AP3B1: variants seen among roughly 807,000 people sequenced by gnomAD.
AP3B1 encodes adaptor related protein complex 3 subunit beta 1, also known as AP-3 complex subunit beta-1.
A neutral mutation model predicts 132.5 loss-of-function variants in AP3B1; 61 were observed. The observed-to-expected ratio is 0.46, with a 90% confidence interval of 0.37 to 0.57. AP3B1 has a LOEUF of 0.57. Among genes scored for constraint, AP3B1 ranks in the 20% least tolerant of loss-of-function variants. The pLI is 0.00. For missense variants in AP3B1, 1,120 were observed against 1,289.4 expected (o/e 0.87, Z 2.01); for synonymous variants, 388 against 438.3 (o/e 0.89, Z 1.43).
intron 7 of AP3B1, among the ~76,000 whole-genome samples, chr5:78,210,374 G>C (rs183378639): frequency 3.9e-5 from 6 of 152,064 alleles, no homozygotes; most frequent in Admixed American, 3.3e-4. Flanking sequence ...TATAAATTTT[G>C]GATTTTGATA....
At chr5:78,066,633 G>A (rs1325305512) in intron 22 of AP3B1, among the ~76,000 whole-genome samples, 1 of 152,034 alleles carries the variant, frequency 6.6e-6, no homozygotes, top group African/African-American at 2.4e-5. Flanking sequence ...GAATGAAAAG[G>A]AACAAACAAA....
downstream of AP3B1, chr5:78,000,881 CT>C (rs1272487744): frequency 6.6e-6 from 1 of 152,082 alleles, no homozygotes; most frequent in Non-Finnish European, 1.5e-5. Context: ...TAACTTGGGG[CT>C]TTGGTCGTTT....
chr5:78,088,379 G>A lies in AP3B1; in HGVS notation c.2577+1014C>T, dbSNP rs998791070. On this transcript the variant is annotated intron_variant, in intron 22 of 26. Transcript: ENST00000255194. ...TTCTATGCTTAAGGAGAACATTGTA[G>A]CTTAAAACTTTTCACCTGTACTTTC... Among the ~76,000 whole-genome samples the A allele has an allele frequency of 2.6e-5, 4 of 152,256 alleles. No homozygotes were observed. The South Asian group carries it at 6.2e-4, about 24-fold the overall frequency.
At chr5:78,139,455 A>C (rs1056421340) in intron 15 of AP3B1, among the ~76,000 whole-genome samples, 1 of 152,214 alleles carries the variant, frequency 6.6e-6, no homozygotes, top group Non-Finnish European at 1.5e-5. Flanking sequence ...CAATGTATGA[A>C]GAAATCTACA....
chr5:78,219,873 T>C (rs190294461), intron 6 of AP3B1, among the ~76,000 whole-genome samples: 6 of 152,302 alleles, frequency 3.9e-5, no homozygotes, highest in Admixed American at 1.3e-4. Flanking sequence ...CTTTCAAATG[T>C]ATATGTATCA....
intron 2 of AP3B1, among the ~76,000 whole-genome samples, chr5:78,250,360 A>T (rs906234922): frequency 2.0e-5 from 3 of 152,222 alleles, no homozygotes; most frequent in African/African-American, 7.2e-5. Context: ...GTACCAATTA[A>T]AGACAGAGGG....
intron 22 of AP3B1, among the ~76,000 whole-genome samples, chr5:78,053,294 T>C (rs1449465480): frequency 6.6e-6 from 1 of 152,214 alleles, no homozygotes; most frequent in Non-Finnish European, 1.5e-5. Flanking sequence ...CAAGTCTTCA[T>C]TAACACTGAA....
chr5:78,231,082 T>A (rs1746630403), intron 3 of AP3B1, among the ~76,000 whole-genome samples: 1 of 151,610 alleles, frequency 6.6e-6, no homozygotes, highest in South Asian at 2.1e-4. Flanking sequence ...ATCGCACCAC[T>A]GCACCCCAGC....
At chr5:78,089,538 G>A (rs201227837) in intron 21 of AP3B1, 39 bp from the exon 22 acceptor site, 190 of 1,286,952 alleles carry the variant, frequency 1.5e-4, no homozygotes, top group East Asian at 1.3e-3. Context: ...GTGCATGAAC[G>A]TTTAATTCAA....
intron 22 of AP3B1, among the ~76,000 whole-genome samples, chr5:78,080,332 T>C (rs190811838): frequency 6.6e-6 from 1 of 152,334 alleles, no homozygotes; most frequent in Admixed American, 6.5e-5. Context: ...ACTATTGTTT[T>C]TGAGATTTGT....
chr5:78,249,782 A>C (rs190986219), intron 2 of AP3B1, among the ~76,000 whole-genome samples: 4 of 151,990 alleles, frequency 2.6e-5, no homozygotes, highest in Admixed American at 2.6e-4. Flanking sequence ...ACAGGGTCTC[A>C]CTTTGTTGCC....
intron 23 of AP3B1, among the ~76,000 whole-genome samples, chr5:78,038,466 A>G (rs1031684824): frequency 6.6e-6 from 1 of 152,194 alleles, no homozygotes; most frequent in Non-Finnish European, 1.5e-5. Context: ...AGAAAAAATA[A>G]TCGCAAAAAA....
At chr5:78,261,305 G>C (rs145300377) in intron 2 of AP3B1, among the ~76,000 whole-genome samples, 1 of 152,232 alleles carries the variant, frequency 6.6e-6, no homozygotes, top group East Asian at 1.9e-4. Context: ...CATCCTAATG[G>C]TGTAAAGTGA....
intron 13 of AP3B1, among the ~76,000 whole-genome samples, chr5:78,161,831 A>G (rs1446506943): frequency 6.6e-6 from 1 of 151,978 alleles, no homozygotes; most frequent in Non-Finnish European, 1.5e-5. Flanking sequence ...TTTTTTCATC[A>G]GAAATACTCT....
At chr5:78,113,560 A>T (rs1751685596) in intron 19 of AP3B1, among the ~76,000 whole-genome samples, 192 bp downstream of exon 19, 1 of 152,220 alleles carries the variant, frequency 6.6e-6, no homozygotes, top group Non-Finnish European at 1.5e-5. Context: ...TTCAAGTTCA[A>T]AATGAAAGCT....
At chr5:78,018,702 C>CACA (rs1554057856) in intron 25 of AP3B1, among the ~76,000 whole-genome samples, 37 of 140,572 alleles carry the variant, frequency 2.6e-4, no homozygotes, top group African/African-American at 1.1e-3. Flanking sequence ...ACACACACAC[C>CACA]CCTTAAATTT....
chr5:78,062,212 G>A (rs1300077583), intron 22 of AP3B1, among the ~76,000 whole-genome samples: 2 of 152,208 alleles, frequency 1.3e-5, no homozygotes, highest in Non-Finnish European at 2.9e-5. Context: ...AGGGTAGTTA[G>A]ATGTGGTATG....
intron 25 of AP3B1, chr5:78,015,825 T>C (rs1343742933): frequency 2.6e-6 from 1 of 385,994 alleles, no homozygotes; most frequent in East Asian, 5.9e-5. Context: ...ATCACACATA[T>C]GAAATATCAA....
At chr5:78,281,098 C>G (rs1665136118) in intron 1 of AP3B1, among the ~76,000 whole-genome samples, 1 of 152,140 alleles carries the variant, frequency 6.6e-6, no homozygotes, top group Non-Finnish European at 1.5e-5. Context: ...AAGTGCAAAT[C>G]ACTTAAGTTT....
Sources: allele counts gnomAD v4.1 joint callset (sites outside exome capture counted in the v4.1 genomes callset), GRCh38; gene constraint gnomAD v4.1.1; transcripts MANE v1.5; gene names NCBI Gene and HGNC (gene_info 2026-07-23, HGNC 2026-07-21).